Variants in ITFG1 observed in about 807,000 individuals in gnomAD.
The protein encoded by ITFG1 is integrin alpha FG-GAP repeat containing 1, also known as T-cell immunomodulatory protein.
In ITFG1, 34 loss-of-function variants were observed where a neutral mutation model predicts 81.8. The observed-to-expected ratio is 0.42, with a 90% CI of 0.32 to 0.55. The LOEUF is 0.55. Ranked by LOEUF, ITFG1 falls within the 20% of genes least tolerant of loss-of-function variation. The pLI is 0.17. For synonymous variants in ITFG1, 285 were observed against 270.6 expected, an observed-to-expected ratio of 1.05 and a Z score of -0.52; for missense variants, 672 against 755.4, an observed-to-expected ratio of 0.89 and a Z score of 1.29.
At chr16:47,241,311 C>T (rs757013783) in intron 12 of ITFG1, among the ~76,000 whole-genome samples, 19 of 152,048 alleles carry the variant, frequency 1.2e-4, no homozygotes, top group Non-Finnish European at 2.5e-4. Flanking sequence ...CCAAGAAAAA[C>T]AAAGAAACAT....
chr16:47,183,381 T>C (rs1965160144), intron 14 of ITFG1, among the ~76,000 whole-genome samples: 1 of 152,266 alleles, frequency 6.6e-6, no homozygotes, highest in East Asian at 1.9e-4. Context: ...AATGTCCCTG[T>C]CTGACAGCTT....
At position 47,414,931 on chromosome 16, in the gene ITFG1, C is replaced by T. The variant is rs1178159515; in HGVS notation, c.655+13873G>A. 2.6e-5 allele frequency among the ~76,000 whole-genome samples: 4 copies of T among 152,278 alleles called. No individual in the cohort carries two copies. The East Asian group carries it at 7.7e-4, about 29-fold the overall frequency. ...TCATGGCTTCAACAATATGGAAGAA[C>T]TCTACACTTTTTAGGCTCTGACCTT... On this transcript the variant is annotated intron_variant, in intron 6 of 17. Transcript: ENST00000320640.
At chr16:47,231,478 A>G (rs1321840602) in intron 13 of ITFG1, among the ~76,000 whole-genome samples, 1 of 152,250 alleles carries the variant, frequency 6.6e-6, no homozygotes, top group African/African-American at 2.4e-5. Context: ...CACTAATAAT[A>G]CTGATATTTA....
chr16:47,460,875 G>C lies in ITFG1; in HGVS notation c.171C>G (p.Asn57Lys). The C allele has an allele frequency of 6.2e-7, 1 of 1,613,732 alleles. No homozygotes were observed. Among genetic ancestry groups the C allele is most frequent in the Non-Finnish European group, 8.5e-7 (1 of 1,180,002 alleles). Reference sequence around the variant, plus strand: ...CGAAGAGATCCGTCTGCTTGTCGGAGTTGAGGTCCCCGAAAGCCGCAAGGG... The same window carrying C: ...CGAAGAGATCCGTCTGCTTGTCGGACTTGAGGTCCCCGAAAGCCGCAAGGG... Reference protein sequence around the residue: ...WGTLAAFGDLNSDKQTDLFVL... With the variant: ...WGTLAAFGDLKSDKQTDLFVL... Residue 57 changes from asparagine to lysine, a missense_variant, in exon 1 of 18, where the codon AAC becomes AAG. Transcript: ENST00000320640.
chr16:47,222,006 T>C (rs1457266275), intron 13 of ITFG1, among the ~76,000 whole-genome samples: 2 of 152,158 alleles, frequency 1.3e-5, no homozygotes, highest in Non-Finnish European at 2.9e-5. Flanking sequence ...TAGCGGTCTA[T>C]CAATTTTGTT....
chr16:47,430,100 C>T (rs1484935681), intron 5 of ITFG1, among the ~76,000 whole-genome samples: 1 of 150,334 alleles, frequency 6.7e-6, no homozygotes, highest in Non-Finnish European at 1.5e-5. Flanking sequence ...CTCTGTCACC[C>T]AGGTTGTAGT....
At position 47,460,957 on chromosome 16, in the gene ITFG1, G is replaced by A. The variant is rs781350570; in HGVS notation, c.89C>T (p.Pro30Leu). 1.9e-6 allele frequency: 3 copies of A among 1,607,428 alleles called. No individual in the cohort carries two copies. Among genetic ancestry groups the A allele is most frequent in the South Asian group, 1.1e-5 (1 of 90,156 alleles). ...GLALLGVGPV[P>L]ARALHNVTAE... is the part of the protein sequence containing the mutation. Reference sequence around the variant, plus strand: ...CGTGACGTTGTGCAGCGCCCGCGCTGGGACCGGCCCGACTCCCAGTAGTGC... The same window carrying A: ...CGTGACGTTGTGCAGCGCCCGCGCTAGGACCGGCCCGACTCCCAGTAGTGC... The change falls in exon 1 of 18, where the codon CCA (proline) becomes CTA (leucine). Residue 30 changes from proline to leucine, a missense_variant. By Grantham distance (98) the Pro-to-Leu change is moderately conservative. Around this residue, in one of 3 missense-constraint regions of ITFG1, gnomAD observed 560 missense variants for 625.7 expected, o/e 0.90. Coordinates refer to ENST00000320640, the MANE Select transcript of ITFG1 (RefSeq NM_030790.5).
At chr16:47,218,319 A>G (rs560725086) in intron 14 of ITFG1, 4 of 152,360 alleles carry the variant, frequency 2.6e-5, no homozygotes, top group South Asian at 2.1e-4. Flanking sequence ...TCAGTCAGCC[A>G]TCTGTTAAAA....
At chr16:47,444,867 T>A (rs1210344661) in intron 5 of ITFG1, among the ~76,000 whole-genome samples, 1 of 152,178 alleles carries the variant, frequency 6.6e-6, no homozygotes, top group East Asian at 1.9e-4. Context: ...AGAACAGTTA[T>A]AAGATCTGCT....
intron 12 of ITFG1, among the ~76,000 whole-genome samples, chr16:47,249,054 T>G (rs1966035875): frequency 6.6e-6 from 1 of 152,368 alleles, no homozygotes; most frequent in Admixed American, 6.5e-5. Context: ...CACTAGCTAA[T>G]TTTGGCTAAC....
chr16:47,203,808 C>T (rs1402015755), intron 14 of ITFG1, among the ~76,000 whole-genome samples: 2 of 152,048 alleles, frequency 1.3e-5, no homozygotes, highest in Admixed American at 6.5e-5. Flanking sequence ...GGGATGGGCA[C>T]CCCTGACCTA....
At chr16:47,263,373 A>G in intron 10 of ITFG1, 1 of 479,754 alleles carries the variant, frequency 2.1e-6, no homozygotes, top group South Asian at 1.6e-5. Context: ...GCCATCTACC[A>G]AGCCACCTGC....
intron 14 of ITFG1, among the ~76,000 whole-genome samples, chr16:47,184,121 G>A (rs1567417002): frequency 1.3e-5 from 2 of 152,178 alleles, no homozygotes; most frequent in Non-Finnish European, 2.9e-5. Context: ...AGAAATATGG[G>A]AATATGTGAA....
intron 6 of ITFG1, among the ~76,000 whole-genome samples, chr16:47,397,931 C>T (rs1968613162): frequency 6.6e-6 from 1 of 152,186 alleles, no homozygotes; most frequent in Non-Finnish European, 1.5e-5. Flanking sequence ...TACAATATCA[C>T]TGAGTTGGGA....
intron 6 of ITFG1, among the ~76,000 whole-genome samples, chr16:47,415,724 T>C (rs1567492485): frequency 6.6e-6 from 1 of 152,100 alleles, no homozygotes; most frequent in Non-Finnish European, 1.5e-5. Flanking sequence ...AAAAAGGTAA[T>C]ACCTAGTGCT....
chr16:47,211,790 G>T (rs1320891169), intron 14 of ITFG1, among the ~76,000 whole-genome samples: 2 of 152,102 alleles, frequency 1.3e-5, no homozygotes, highest in African/African-American at 2.4e-5. Context: ...TCTTTACTCT[G>T]TCAATGTGGT....
intron 6 of ITFG1, among the ~76,000 whole-genome samples, chr16:47,418,720 C>G (rs1968903742): frequency 6.6e-6 from 1 of 152,070 alleles, no homozygotes; most frequent in Admixed American, 6.6e-5. Flanking sequence ...CTATTCTGTT[C>G]CACTGGTCTT....
At chr16:47,255,900 G>A (rs1966133116) in intron 12 of ITFG1, among the ~76,000 whole-genome samples, 1 of 152,102 alleles carries the variant, frequency 6.6e-6, no homozygotes, top group African/African-American at 2.4e-5. Context: ...AATAAATGAA[G>A]ACTAAAAATA....
chr16:47,260,664 G>C lies in ITFG1; in HGVS notation c.1102C>G (p.Pro368Ala), dbSNP rs547764120. 1 of 1,614,098 alleles carries C rather than the reference G, an allele frequency of 6.2e-7. No homozygotes were observed. Among genetic ancestry groups the C allele is most frequent in the African/African-American group, 1.3e-5 (1 of 75,012 alleles). The change falls in exon 11 of 18, where the codon CCT (proline) becomes GCT (alanine). Residue 368 changes from proline (P) to alanine (A), a missense_variant. Coordinates refer to ENST00000320640, the MANE Select transcript of ITFG1 (RefSeq NM_030790.5). ...NQQAFLLENV[P>A]CNNASCEEAR... ...TCTTCACAGCTTGCATTATTACAAG[G>C]GACGTTCTCCAGTAAAAAGGCCTGC... is the stretch of plus-strand genomic sequence containing the variant.
Sources: allele counts gnomAD v4.1 joint callset (sites outside exome capture counted in the v4.1 genomes callset), GRCh38; gene constraint gnomAD v4.1.1; regional missense constraint gnomAD v4.1.1; transcripts MANE v1.5; gene names NCBI Gene and HGNC (gene_info 2026-07-23, HGNC 2026-07-21).